Variants in SOX6 observed in about 807,000 individuals in gnomAD.
SOX6 encodes the protein transcription factor SOX-6.
A neutral mutation model predicts 97.8 loss-of-function variants in SOX6; 11 were observed. The observed-to-expected ratio is 0.11, with a 90% CI of 0.07 to 0.19. The LOEUF (loss-of-function observed/expected upper bound fraction) is 0.19. SOX6 is among the 10% of genes least tolerant of loss of function. SOX6 has a pLI of 1.00. For synonymous variants in SOX6, 360 were observed against 371.4 expected (o/e 0.97, Z 0.35); for missense variants, 810 against 1,039.5 (o/e 0.78, Z 3.04).
intron 1 of SOX6, among the ~76,000 whole-genome samples, chr11:16,433,923 G>A (rs540815422): frequency 6.6e-6 from 1 of 152,036 alleles, no homozygotes; most frequent in African/African-American, 2.4e-5. Context: ...TCATCTACAA[G>A]GTAGTTCAAA....
intron 6 of SOX6, among the ~76,000 whole-genome samples, chr11:16,142,694 C>T (rs936994166): frequency 1.3e-5 from 2 of 152,052 alleles, no homozygotes; most frequent in African/African-American, 2.4e-5. Context: ...ATGAGAACTA[C>T]GTGACGAATG....
intron 3 of SOX6, among the ~76,000 whole-genome samples, chr11:16,632,014 CT>C (rs1419902559): frequency 6.6e-6 from 1 of 152,128 alleles, no homozygotes; most frequent in Admixed American, 6.5e-5. Context: ...GACTTTCAAC[CT>C]TGTCTTGGAT....
chr11:16,063,622 C>G (rs1411166130), intron 9 of SOX6, among the ~76,000 whole-genome samples: 1 of 135,098 alleles, frequency 7.4e-6, no homozygotes, highest in Non-Finnish European at 1.6e-5. Flanking sequence ...AGTACAAGGC[C>G]TTTTCTCATT....
At chr11:16,685,392 C>A (rs974136493) in intron 3 of SOX6, among the ~76,000 whole-genome samples, 2 of 152,264 alleles carry the variant, frequency 1.3e-5, no homozygotes, top group African/African-American at 4.8e-5. Flanking sequence ...TACTAAGATA[C>A]AATGGGAGTA....
At chr11:16,533,652 A>G (rs1861267055) in intron 4 of SOX6, among the ~76,000 whole-genome samples, 4 of 152,048 alleles carry the variant, frequency 2.6e-5, no homozygotes, top group Non-Finnish European at 5.9e-5. Flanking sequence ...CTAACTTTTA[A>G]TTTTGTCCTA....
intron 15 of SOX6, among the ~76,000 whole-genome samples, chr11:15,985,591 T>C (rs1853808421): frequency 6.6e-6 from 1 of 152,186 alleles, no homozygotes; most frequent in Non-Finnish European, 1.5e-5. Flanking sequence ...ATACCAGAAA[T>C]CTATTACCTA....
At chr11:15,982,168 C>T (rs894471977) in intron 15 of SOX6, among the ~76,000 whole-genome samples, 1 of 152,018 alleles carries the variant, frequency 6.6e-6, no homozygotes, top group Non-Finnish European at 1.5e-5. Flanking sequence ...CGTGTCCTTA[C>T]CAATGTCCTT....
intron 3 of SOX6, among the ~76,000 whole-genome samples, chr11:16,303,895 TG>T (rs372535451): frequency 6.6e-6 from 1 of 152,088 alleles, no homozygotes; most frequent in East Asian, 1.9e-4. Flanking sequence ...AATAGTTTTG[TG>T]GGGGGTTTCT....
intron 4 of SOX6, among the ~76,000 whole-genome samples, chr11:16,606,829 G>C (rs1848339954): frequency 6.6e-6 from 1 of 152,114 alleles, no homozygotes; most frequent in Admixed American, 6.5e-5. Context: ...TTTTTGGAGG[G>C]GAGGTGAAGG....
intron 3 of SOX6, among the ~76,000 whole-genome samples, chr11:16,638,756 T>G (rs1394276592): frequency 1.3e-5 from 2 of 152,238 alleles, no homozygotes; most frequent in African/African-American, 4.8e-5. Flanking sequence ...ACCCACTTGT[T>G]GATGAGGTTG....
chr11:16,116,100 C>A (rs1262995806), intron 6 of SOX6, among the ~76,000 whole-genome samples: 2 of 151,926 alleles, frequency 1.3e-5, no homozygotes, highest in African/African-American at 4.8e-5. Flanking sequence ...TAAAGAGAAG[C>A]CAGAATATCC....
upstream of SOX6, among the ~76,000 whole-genome samples, chr11:16,359,277 G>C (rs1857144263): frequency 6.6e-6 from 1 of 151,896 alleles, no homozygotes; most frequent in African/African-American, 2.4e-5. Flanking sequence ...TCCAAGAAGA[G>C]GAAGAACTTT....
chr11:16,578,995 A>G (rs953939614), intron 4 of SOX6, among the ~76,000 whole-genome samples: 1 of 152,126 alleles, frequency 6.6e-6, no homozygotes, highest in African/African-American at 2.4e-5. Flanking sequence ...AAATATGGAA[A>G]TATTCTAATT....
intron 5 of SOX6, among the ~76,000 whole-genome samples, chr11:16,185,451 G>A (rs1203921033): frequency 2.6e-5 from 4 of 152,122 alleles, no homozygotes; most frequent in African/African-American, 9.7e-5. Flanking sequence ...GCATAGAAAT[G>A]CATCCAAAAC....
intron 15 of SOX6, among the ~76,000 whole-genome samples, chr11:15,979,103 C>T (rs563630363): frequency 7.3e-6 from 1 of 137,698 alleles, no homozygotes; most frequent in East Asian, 2.1e-4. Flanking sequence ...AATGCTGTCT[C>T]AACCTCATAG....
At chr11:16,180,203 C>G (rs537394779) in intron 6 of SOX6, among the ~76,000 whole-genome samples, 1 of 151,780 alleles carries the variant, frequency 6.6e-6, no homozygotes, top group South Asian at 2.1e-4. Flanking sequence ...GATTAAAATA[C>G]TGTAAACATG....
chr11:16,095,913 TTA>T, intron 9 of SOX6, 81 bp downstream of exon 9: 23 of 1,348,642 alleles, frequency 1.7e-5, no homozygotes, highest in Admixed American at 3.8e-5. Flanking sequence ...GTTTGCCACT[TTA>T]AAAAAAAAAA....
chr11:16,588,724 C>G (rs111562265), intron 4 of SOX6, among the ~76,000 whole-genome samples: 1,653 of 152,300 alleles, frequency 0.011, 22 homozygotes, highest in African/African-American at 0.038. Flanking sequence ...TGCTTCCTTT[C>G]TCATATTAAA....
chr11:16,709,994 T>C (rs902763871), intron 3 of SOX6, among the ~76,000 whole-genome samples: 2 of 152,236 alleles, frequency 1.3e-5, no homozygotes, highest in Non-Finnish European at 2.9e-5. Flanking sequence ...TTTATTTACT[T>C]TCAAATGCTA....
Sources: gnomAD v4.1 joint callset for allele counts (sites outside exome capture counted in the v4.1 genomes callset) on GRCh38, gnomAD v4.1.1 for gene constraint, MANE v1.5 for transcripts, NCBI Gene and HGNC (gene_info 2026-07-23, HGNC 2026-07-21) for gene names.